Variants in PGLYRP3 observed in about 807,000 individuals in gnomAD.
The protein encoded by PGLYRP3 is peptidoglycan recognition protein I alpha.
PGLYRP3 carries 39 observed loss-of-function variants against 36.0 expected under a neutral mutation model. The ratio of observed to expected loss-of-function variants is 1.08; its 90% CI spans 0.84 to 1.41. The LOEUF is 1.41. Among genes scored for constraint, PGLYRP3 ranks in the 40% most tolerant of loss-of-function variants. PGLYRP3 has a pLI of 0.00. For synonymous variants in PGLYRP3, 204 were observed against 172.8 expected, an observed-to-expected ratio of 1.18 and a Z score of -1.42; for missense variants, 407 against 427.9, an observed-to-expected ratio of 0.95 and a Z score of 0.43.
intron 6 of PGLYRP3, among the ~76,000 whole-genome samples, chr1:153,301,952 G>A (rs1284049901): frequency 6.6e-6 from 1 of 152,196 alleles, no homozygotes; most frequent in South Asian, 2.1e-4. Context: ...AAGAGGCCCA[G>A]AGAGGTTAAA....
chr1:153,302,702 C>T, intron 5 of PGLYRP3, 95 bp from the exon 6 acceptor site: 1 of 1,177,102 alleles, frequency 8.5e-7, no homozygotes, highest in South Asian at 1.3e-5. Context: ...TCAGCCTCTC[C>T]CAGGCCTCCA....
chr1:153,302,581 C>T lies in PGLYRP3; in HGVS notation c.556G>A (p.Ala186Thr), dbSNP rs1298725248. The T allele has an allele frequency of 6.2e-6, 10 of 1,614,018 alleles. No homozygotes were observed. Among genetic ancestry groups the T allele is most frequent in the Non-Finnish European group, 8.5e-6 (10 of 1,180,020 alleles). ...KVCPNIIKRS[A>T]WEARETHCPK... The stretch of plus-strand genomic sequence containing the variant: ...CAGTGTGTCTCTCTGGCTTCCCAAG[C>T]AGATCGTTTGATGATGTTGGGGCAA... Residue 186 changes from alanine to threonine, a missense_variant, in exon 6 of 8, where the codon GCT becomes ACT. Transcript: ENST00000683862.
At chr1:153,309,472 T>C (rs1463065707) in intron 2 of PGLYRP3, among the ~76,000 whole-genome samples, 1 of 152,182 alleles carries the variant, frequency 6.6e-6, no homozygotes, top group Non-Finnish European at 1.5e-5. Context: ...CAGATGAACT[T>C]GGGTTAGTCA....
At chr1:153,298,224 T>C (rs1557806099) in intron 7 of PGLYRP3, 90 bp from the exon 8 acceptor site, 1 of 1,409,882 alleles carries the variant, frequency 7.1e-7, no homozygotes, top group Non-Finnish European at 9.8e-7. Context: ...GTTTCTTTCT[T>C]CCTCCACCAC....
intron 3 of PGLYRP3, among the ~76,000 whole-genome samples, chr1:153,306,106 G>A (rs1458118209): frequency 6.6e-6 from 1 of 152,220 alleles, no homozygotes; most frequent in Non-Finnish European, 1.5e-5. Flanking sequence ...GACATGACAT[G>A]CCCCATGGGC....
At chr1:153,308,977 GT>G (rs1241298242) in intron 2 of PGLYRP3, among the ~76,000 whole-genome samples, 12 of 140,436 alleles carry the variant, frequency 8.5e-5, no homozygotes, top group Admixed American at 1.4e-4. Flanking sequence ...TACCAAGACA[GT>G]TGTGACATGT....
chr1:153,298,856 C>T (rs1279647189), intron 7 of PGLYRP3, among the ~76,000 whole-genome samples: 5 of 152,242 alleles, frequency 3.3e-5, no homozygotes, highest in South Asian at 2.1e-4. Context: ...TTGCAAAAGA[C>T]GTTTCCCCCC....
rs1197907524 is a variant in PGLYRP3 at position 153,297,534 on chromosome 1, GGAAGGAAGGAAGGAAGGAAA to G, written c.*402_*421del. Among the ~76,000 whole-genome samples, 885 of 84,950 alleles carry G rather than the reference GGAAGGAAGGAAGGAAGGAAA, an allele frequency of 0.01. 34 individuals are homozygous for G. The highest frequency in any genetic ancestry group is 0.033 in the African/African-American group (671 of 20,090). 55.7% of individuals were successfully genotyped at this position (84,950 alleles called of 152,430 possible). A position where few individuals can be genotyped will look rare whatever the true frequency, so the allele number is the denominator to read the frequency against. On this transcript the variant is annotated 3_prime_UTR_variant, in exon 8 of 8. Coordinates refer to ENST00000683862, the MANE Select transcript of PGLYRP3 (RefSeq NM_052891.3). ...AGGAAGGAAGGAAGGAAGGAAGGAA[GGAAGGAAGGAAGGAAGGAAA>G]GAAAGAAAAAGAAAGAAAGAAAGAA...
At position 153,302,397 on chromosome 1, in the gene PGLYRP3, G is replaced by A. The variant is rs1360428580; in HGVS notation, c.728+12C>T. 6.2e-7 allele frequency: 1 copy of A among 1,613,460 alleles called. No individual in the cohort carries two copies. Among genetic ancestry groups the A allele is most frequent in the Non-Finnish European group, 8.5e-7 (1 of 1,179,442 alleles). On this transcript the variant is annotated intron_variant, in intron 6 of 7. Coordinates refer to ENST00000683862, the MANE Select transcript of PGLYRP3 (RefSeq NM_052891.3). Reference sequence around the variant, plus strand: ...AGAAAAAGAGGGTTCTTTTGGCATTGATCCCACTTACTGATATCCAATGTC... The same window carrying A: ...AGAAAAAGAGGGTTCTTTTGGCATTAATCCCACTTACTGATATCCAATGTC...
chr1:153,303,950 G>T lies in PGLYRP3; in HGVS notation c.436C>A (p.Gln146Lys), dbSNP rs768135435. 3 of 1,614,036 alleles carry T rather than the reference G, an allele frequency of 1.9e-6. No homozygotes were observed. Among genetic ancestry groups the T allele is most frequent in the Non-Finnish European group, 2.5e-6 (3 of 1,179,948 alleles). ...AAEGLISYAI[Q>K]KGHLSPRYIQ... Reference sequence around the variant, plus strand: ...TACCTGGGCGACAGGTGACCCTTCTGGATGGCATAGGAGATCAGACCCTCT... The same window carrying T: ...TACCTGGGCGACAGGTGACCCTTCTTGATGGCATAGGAGATCAGACCCTCT... The change falls in exon 5 of 8, where the codon CAG becomes AAG. Residue 146 changes from glutamine to lysine, a missense_variant. Transcript: ENST00000683862.
At chr1:153,305,142 G>C in intron 3 of PGLYRP3, 77 bp from the exon 4 acceptor site, 1 of 1,175,820 alleles carries the variant, frequency 8.5e-7, no homozygotes, top group Non-Finnish European at 1.2e-6. Flanking sequence ...AAAGGAAAAG[G>C]GGTTCTGGAG....
chr1:153,307,166 G>A lies in PGLYRP3; in HGVS notation c.157C>T (p.Pro53Ser). ...CTCTGCTGCTGGCACTGCATCCCTG[G>A]GAGCTGGTCTGTGATGATGTAGGCC... ...PVAYIITDQL[P>S]GMQCQQQSVC... is the part of the protein sequence containing the mutation. Residue 53 changes from proline (P) to serine (S), a missense_variant, in exon 3 of 8, where the codon CCA becomes TCA. By Grantham distance (74) the Pro-to-Ser change is moderately conservative. Transcript: ENST00000683862. 6.2e-7 allele frequency: 1 copy of A among 1,612,036 alleles called. No individual in the cohort carries two copies. Among genetic ancestry groups the A allele is most frequent in the East Asian group, 2.2e-5 (1 of 44,824 alleles).
At chr1:153,302,635 T>G in intron 5 of PGLYRP3, 28 bp from the exon 6 acceptor site, 3 of 1,611,480 alleles carry the variant, frequency 1.9e-6, no homozygotes, top group East Asian at 2.2e-5. Flanking sequence ...GCCAAGGAAG[T>G]AGGAATTTTT....
rs901928577 is a variant in PGLYRP3, at chr1:153,297,350, G to A, written c.*606C>T. Among the ~76,000 whole-genome samples the A allele has an allele frequency of 6.6e-6, 1 of 150,808 alleles. No individual in the cohort carries two copies. Among genetic ancestry groups the A allele is most frequent in the African/African-American group, 2.4e-5 (1 of 40,876 alleles). ...TACCAGTCCATGTGTGAGCAGAGAG[G>A]GGGGGTGGGCACACTGACCTAGGTC... On this transcript the variant is annotated 3_prime_UTR_variant, in exon 8 of 8. Coordinates refer to ENST00000683862, the MANE Select transcript of PGLYRP3 (RefSeq NM_052891.3).
rs1384851131 is a variant in PGLYRP3, at chr1:153,297,439, G to A, written c.*517C>T. Among the ~76,000 whole-genome samples, 1 of 122,120 alleles carries A rather than the reference G, an allele frequency of 8.2e-6. No homozygotes were observed. Among genetic ancestry groups the A allele is most frequent in the African/African-American group, 3.4e-5 (1 of 29,772 alleles). 80.1% of individuals were successfully genotyped at this position (122,120 alleles called of 152,430 possible). A position where few individuals can be genotyped will look rare whatever the true frequency, so the allele number is the denominator to read the frequency against. ...AACAGGGAAGGCTCACCAGGCAGAG[G>A]CGGGGAGAGGGGGAGAGAGAGAGAG... On this transcript the variant is annotated 3_prime_UTR_variant, in exon 8 of 8. Coordinates refer to ENST00000683862, the MANE Select transcript of PGLYRP3 (RefSeq NM_052891.3).
Position 153,297,577 on chromosome 1 carries a change from GA to G in PGLYRP3, c.*378del. On this transcript the variant is annotated 3_prime_UTR_variant, in exon 8 of 8. Coordinates refer to ENST00000683862, the MANE Select transcript of PGLYRP3 (RefSeq NM_052891.3). ...AAAGAAAGAAAAAGAAAGAAAGAAA[GA>G]AAGAAGAAAGAAAGAAAGAAAGAAA... Among the ~76,000 whole-genome samples the G allele has an allele frequency of 7.7e-6, 1 of 129,574 alleles. No individual in the cohort carries two copies. Among genetic ancestry groups the G allele is most frequent in the African/African-American group, 3.0e-5 (1 of 33,250 alleles). 85.0% of individuals were successfully genotyped at this position (129,574 alleles called of 152,430 possible).
intron 6 of PGLYRP3, among the ~76,000 whole-genome samples, chr1:153,302,022 C>T (rs371275571): frequency 3.9e-5 from 6 of 152,294 alleles, no homozygotes; most frequent in African/African-American, 1.2e-4. Context: ...ATTCTAACAT[C>T]GGAGAGAGCA....
At position 153,307,121 on chromosome 1, in the gene PGLYRP3, G is replaced by T. The variant is rs74473220; in HGVS notation, c.202C>A (p.Arg68=). 1 of 1,613,248 alleles carries T rather than the reference G, an allele frequency of 6.2e-7. No homozygotes were observed. Among genetic ancestry groups the T allele is most frequent in the Admixed American group, 1.7e-5 (1 of 59,926 alleles). The change falls in exon 3 of 8, where the codon CGG becomes AGG. Residue 68 remains arginine (R), a synonymous_variant. Transcript: ENST00000683862. ...QQQSVCSQML[R]GLQSHSVYTI... is the part of the protein sequence containing the mutation. ...TAGACGGAATGGGACTGCAACCCCC[G>T]CAGCATCTGGCTGCAAACGCTCTGC...
intron 5 of PGLYRP3, among the ~76,000 whole-genome samples, chr1:153,302,948 T>A (rs960511056): frequency 2.6e-5 from 4 of 152,254 alleles, no homozygotes; most frequent in Non-Finnish European, 5.9e-5. Context: ...TGTGCGCTTA[T>A]GTAACAGGGC....
Sources: allele counts gnomAD v4.1 joint callset (sites outside exome capture counted in the v4.1 genomes callset), GRCh38; gene constraint gnomAD v4.1.1; transcripts MANE v1.5; gene names NCBI Gene and HGNC (gene_info 2026-07-23, HGNC 2026-07-21).